ATP8B4: variants seen among roughly 807,000 people sequenced by gnomAD.
The protein encoded by ATP8B4 is ATPase phospholipid transporting 8B4 (putative).
A neutral mutation model predicts 145.6 loss-of-function variants in ATP8B4; 133 were observed. The ratio of observed to expected loss-of-function variants is 0.91; its 90% CI spans 0.79 to 1.05. The LOEUF (loss-of-function observed/expected upper bound fraction) is 1.05. Among genes scored for constraint, ATP8B4 ranks in the 50% least tolerant of loss-of-function variants. The probability of loss-of-function intolerance (pLI) is 0.00; values close to 1 mark genes in which losing one functional copy is unlikely to be tolerated. For synonymous variants in ATP8B4, 507 were observed against 492.9 expected (o/e 1.03, Z -0.38); for missense variants, 1,458 against 1,425.2 (o/e 1.02, Z -0.37).
intron 20 of ATP8B4, among the ~76,000 whole-genome samples, chr15:49,915,055 A>C (rs1453906309): frequency 6.6e-6 from 1 of 152,144 alleles, no homozygotes; most frequent in East Asian, 1.9e-4. Context: ...TATGAAATCA[A>C]CCCAAGTGTC....
chr15:49,934,419 T>G (rs553352580), intron 14 of ATP8B4, among the ~76,000 whole-genome samples: 126 of 152,044 alleles, frequency 8.3e-4, no homozygotes, highest in African/African-American at 3.0e-3. Flanking sequence ...CAAAACTATA[T>G]GGGATGGCTG....
intron 3 of ATP8B4, among the ~76,000 whole-genome samples, chr15:50,055,566 G>C (rs1013877160): frequency 3.3e-5 from 5 of 152,070 alleles, no homozygotes; most frequent in African/African-American, 1.2e-4. Flanking sequence ...TCCCACATTT[G>C]ATGAAACATT....
intron 23 of ATP8B4, among the ~76,000 whole-genome samples, chr15:49,888,513 G>A (rs1165628971): frequency 1.3e-5 from 2 of 152,096 alleles, no homozygotes; most frequent in Non-Finnish European, 1.5e-5. Flanking sequence ...CACAGTACCA[G>A]TAGTTGCATA....
chr15:49,994,057 T>C (rs939812675), intron 9 of ATP8B4, among the ~76,000 whole-genome samples: 1 of 152,194 alleles, frequency 6.6e-6, no homozygotes, highest in Non-Finnish European at 1.5e-5. Flanking sequence ...GCAAGTCCTT[T>C]AACTTCTCAA....
At chr15:49,926,449 C>T (rs2040735274) in intron 16 of ATP8B4, among the ~76,000 whole-genome samples, 1 of 152,126 alleles carries the variant, frequency 6.6e-6, no homozygotes, top group African/African-American at 2.4e-5. Context: ...TTACCCATTC[C>T]AGTACTGCTT....
chr15:49,972,494 T>C (rs889707900), intron 13 of ATP8B4, 88 bp downstream of exon 13: 167 of 1,290,254 alleles, frequency 1.3e-4, no homozygotes, highest in Non-Finnish European at 2.8e-5. Flanking sequence ...CAGCGACTGT[T>C]TTGGATTTTT....
chr15:49,873,568 C>A (rs886813690), intron 25 of ATP8B4, among the ~76,000 whole-genome samples: 1 of 151,662 alleles, frequency 6.6e-6, no homozygotes, highest in Non-Finnish European at 1.5e-5. Flanking sequence ...TTCATGCTAA[C>A]CCTGATTTGT....
chr15:50,036,008 T>C (rs1277271990), intron 6 of ATP8B4, among the ~76,000 whole-genome samples: 1 of 152,206 alleles, frequency 6.6e-6, no homozygotes, highest in Non-Finnish European at 1.5e-5. Context: ...CATTTTACTT[T>C]ATTCCTGAAT....
chr15:49,882,952 C>T (rs753337287), intron 23 of ATP8B4, among the ~76,000 whole-genome samples: 3 of 152,126 alleles, frequency 2.0e-5, no homozygotes, highest in East Asian at 3.8e-4. Context: ...AAATTAAACA[C>T]GTGACCTTCT....
rs917067056 is a variant in ATP8B4, at chr15:50,003,453, C to A, written c.436-1230G>T. On this transcript the variant is annotated intron_variant, in intron 7 of 27. Transcript: ENST00000284509. The stretch of plus-strand genomic sequence containing the variant: ...ACAGAAGCTTGTTGAGGCAGAAATT[C>A]TCTGACTTGTCACACTGTGAACAGA... Among the ~76,000 whole-genome samples the A allele has an allele frequency of 2.0e-5, 3 of 152,182 alleles. No homozygotes were observed. The East Asian group carries it at 5.8e-4, about 29-fold the overall frequency.
chr15:49,934,275 T>C, intron 14 of ATP8B4, 93 bp from the exon 15 acceptor site: 6 of 1,382,224 alleles, frequency 4.3e-6, no homozygotes, highest in Non-Finnish European at 5.8e-6. Flanking sequence ...GTATTTTTAG[T>C]GTATTATTTT....
intron 7 of ATP8B4, among the ~76,000 whole-genome samples, chr15:50,003,274 A>ATG (rs10539979): frequency 0.13 from 18,720 of 141,020 alleles, 1,209 homozygotes; most frequent in Non-Finnish European, 0.15. Context: ...TAGGGTGTGC[A>ATG]TGTGTGTGTG....
At chr15:50,021,822 A>G (rs1342330095) in intron 6 of ATP8B4, among the ~76,000 whole-genome samples, 1 of 152,212 alleles carries the variant, frequency 6.6e-6, no homozygotes. Context: ...TGCGTGGCAC[A>G]TATTAGGGGC....
At chr15:49,935,049 T>A (rs1190962060) in intron 14 of ATP8B4, among the ~76,000 whole-genome samples, 1 of 152,146 alleles carries the variant, frequency 6.6e-6, no homozygotes, top group Non-Finnish European at 1.5e-5. Flanking sequence ...ATAACTACTT[T>A]TTTAAAGAGA....
chr15:49,964,472 ATAAAT>A (rs1233234800), intron 13 of ATP8B4, among the ~76,000 whole-genome samples: 1 of 152,222 alleles, frequency 6.6e-6, no homozygotes, highest in African/African-American at 2.4e-5. Context: ...GAAGATTTAG[ATAAAT>A]TAAAGTCAAA....
intron 14 of ATP8B4, among the ~76,000 whole-genome samples, chr15:49,935,678 G>T (rs944833078): frequency 3.3e-5 from 5 of 152,014 alleles, no homozygotes; most frequent in African/African-American, 1.2e-4. Flanking sequence ...TCAAACTTCA[G>T]AAGGTACATC....
intron 6 of ATP8B4, chr15:50,018,871 G>C (rs556334604): frequency 1.8e-6 from 2 of 1,116,986 alleles, no homozygotes; most frequent in African/African-American, 3.3e-5. Flanking sequence ...CTGAAGCTTC[G>C]ACCATTATGT....
At chr15:50,133,761 C>G (rs1217444821) in intron 1 of ATP8B4, among the ~76,000 whole-genome samples, 1 of 152,070 alleles carries the variant, frequency 6.6e-6, no homozygotes. Context: ...TAACATACAA[C>G]ATGATGATTA....
intron 2 of ATP8B4, among the ~76,000 whole-genome samples, chr15:50,086,007 AAT>A (rs1342604458): frequency 2.9e-5 from 2 of 68,384 alleles, no homozygotes; most frequent in East Asian, 4.3e-4. Context: ...TATTATATAT[AAT>A]ATATATAGAT....
Sources: allele counts gnomAD v4.1 joint callset (sites outside exome capture counted in the v4.1 genomes callset), GRCh38; gene constraint gnomAD v4.1.1; transcripts MANE v1.5; gene names NCBI Gene and HGNC (gene_info 2026-07-23, HGNC 2026-07-21).